CNTN4: variants seen among roughly 807,000 people sequenced by gnomAD.
CNTN4 encodes contactin 4, also known as contactin-4.
CNTN4 carries 77 observed loss-of-function variants against 122.5 expected under a neutral mutation model. The observed-to-expected ratio is 0.63, with a 90% CI of 0.52 to 0.76. The LOEUF (loss-of-function observed/expected upper bound fraction) is 0.76, where lower values mean the gene tolerates loss of function less well. Among genes scored for constraint, CNTN4 ranks in the 30% least tolerant of loss-of-function variants. The probability of loss-of-function intolerance (pLI) is 0.00; values close to 1 mark genes in which losing one functional copy is unlikely to be tolerated. For synonymous variants in CNTN4, 512 were observed against 447.0 expected (o/e 1.15, Z -1.83); for missense variants, 1,256 against 1,259.1 (o/e 1.00, Z 0.04).
chr3:2,407,962 A>C (rs1356140062), intron 3 of CNTN4, among the ~76,000 whole-genome samples: 1 of 152,164 alleles, frequency 6.6e-6, no homozygotes, highest in East Asian at 1.9e-4. Flanking sequence ...AATACTTGTG[A>C]CATATTTATT....
chr3:2,279,285 A>G (rs1485484333), intron 2 of CNTN4, among the ~76,000 whole-genome samples: 1 of 152,248 alleles, frequency 6.6e-6, no homozygotes, highest in Non-Finnish European at 1.5e-5. Context: ...AAAAAAACAC[A>G]CACTGGAGAG....
rs889066766 is a variant in CNTN4, at chr3:3,057,530, G to A, written c.*1310G>A. The A allele has an allele frequency of 2.0e-5, 3 of 152,568 alleles. No individual in the cohort carries two copies. Among genetic ancestry groups the A allele is most frequent in the African/African-American group, 7.2e-5 (3 of 41,428 alleles). 9.5% of individuals were successfully genotyped at this position (152,568 alleles called of 1,614,324 possible). ...ACCCTACTGGACAGTGACATAAAAGGCAATGGAATTTTCTATAAACATTTT... is the reference window on the plus strand; with the variant it reads ...ACCCTACTGGACAGTGACATAAAAGACAATGGAATTTTCTATAAACATTTT... On this transcript the variant is annotated 3_prime_UTR_variant, in exon 25 of 25. Coordinates refer to ENST00000418658, the MANE Select transcript of CNTN4 (RefSeq NM_175607.3).
At chr3:2,534,528 G>A (rs1297209940) in intron 3 of CNTN4, among the ~76,000 whole-genome samples, 1 of 151,974 alleles carries the variant, frequency 6.6e-6, no homozygotes, top group African/African-American at 2.4e-5. Flanking sequence ...GGTGCACTTG[G>A]GCTTAGTGCT....
At chr3:2,796,637 A>G (rs2092192062) in intron 6 of CNTN4, among the ~76,000 whole-genome samples, 1 of 152,220 alleles carries the variant, frequency 6.6e-6, no homozygotes, top group Non-Finnish European at 1.5e-5. Flanking sequence ...ATAAAGATGA[A>G]TACACATTAC....
At chr3:3,009,526 C>CTG (rs959877316) in intron 14 of CNTN4, among the ~76,000 whole-genome samples, 4 of 150,128 alleles carry the variant, frequency 2.7e-5, no homozygotes, top group Admixed American at 2.6e-4. Flanking sequence ...CTCCGCCCCC[C>CTG]GGGTTCCCGC....
At chr3:2,127,744 T>C in intron 2 of CNTN4, among the ~76,000 whole-genome samples, 1 of 152,168 alleles carries the variant, frequency 6.6e-6, no homozygotes, top group East Asian at 1.9e-4. Flanking sequence ...GCTAAAGGTT[T>C]GAACTAAATG....
intron 2 of CNTN4, among the ~76,000 whole-genome samples, chr3:2,225,305 G>C (rs1247833967): frequency 4.0e-5 from 6 of 151,592 alleles, no homozygotes; most frequent in African/African-American, 1.5e-4. Context: ...ACGAGGTCAG[G>C]AGTTCAAGAC....
intron 2 of CNTN4, among the ~76,000 whole-genome samples, chr3:2,288,421 G>A (rs756358890): frequency 7.2e-5 from 11 of 152,052 alleles, no homozygotes; most frequent in Non-Finnish European, 1.3e-4. Context: ...AACTAAAAGA[G>A]GTAGAACTCA....
rs552906606 is a variant in CNTN4 at position 2,187,895 on chromosome 3, A to T, written c.-145+87256A>T. Among the ~76,000 whole-genome samples, 18 of 152,118 alleles carry T rather than the reference A, an allele frequency of 1.2e-4. No individual in the cohort carries two copies. In the South Asian group the frequency reaches 3.1e-3, roughly 26 times the overall value. On this transcript the variant is annotated intron_variant, in intron 2 of 24. Coordinates refer to ENST00000418658, the MANE Select transcript of CNTN4 (RefSeq NM_175607.3). Reference sequence around the variant, plus strand: ...GCATGGTAAAAAGGCCAGGATTGAGATGTTCTCTTTTGACACCATAGTTTT... The same window carrying T: ...GCATGGTAAAAAGGCCAGGATTGAGTTGTTCTCTTTTGACACCATAGTTTT...
chr3:2,499,940 C>T (rs571986780), intron 3 of CNTN4, among the ~76,000 whole-genome samples: 1 of 152,072 alleles, frequency 6.6e-6, no homozygotes, highest in African/African-American at 2.4e-5. Flanking sequence ...ATATGCAGAT[C>T]CCATGCAAGT....
intron 14 of CNTN4, among the ~76,000 whole-genome samples, chr3:3,019,396 A>G (rs2125579695): frequency 6.6e-6 from 1 of 152,158 alleles, no homozygotes; most frequent in Non-Finnish European, 1.5e-5. Flanking sequence ...TCCTGAGTTC[A>G]AGCACTTCTC....
chr3:2,266,242 A>G (rs538153736), intron 2 of CNTN4, among the ~76,000 whole-genome samples: 2 of 152,014 alleles, frequency 1.3e-5, no homozygotes, highest in Non-Finnish European at 2.9e-5. Flanking sequence ...TGTTCCTTCT[A>G]TACCCATTTT....
chr3:2,750,404 G>A lies in CNTN4; in HGVS notation c.358+4707G>A, dbSNP rs139520614. 3.8e-3 allele frequency among the ~76,000 whole-genome samples: 580 copies of A among 152,212 alleles called. 4 individuals are homozygous for A. The highest frequency in any genetic ancestry group is 0.013 in the African/African-American group (557 of 41,544). ...CAGAACTTAGTCATGTCTTGTATTA[G>A]CATTTAGCATTTTTAAGTTGAATTA... On this transcript the variant is annotated intron_variant, in intron 6 of 24. Transcript: ENST00000418658.
At chr3:2,908,140 C>T (rs112717653) in intron 12 of CNTN4, among the ~76,000 whole-genome samples, 1 of 152,202 alleles carries the variant, frequency 6.6e-6, no homozygotes, top group East Asian at 1.9e-4. Flanking sequence ...TCCTCTCCCC[C>T]ACTCATGAAG....
intron 2 of CNTN4, among the ~76,000 whole-genome samples, chr3:2,268,785 A>G (rs2041155819): frequency 1.3e-5 from 2 of 152,158 alleles, no homozygotes; most frequent in Admixed American, 1.3e-4. Context: ...ACCTGCATGC[A>G]AACAGCATTA....
In CNTN4 at chr3:2,802,866, G is replaced by GA. The variant is rs56221027; in HGVS notation, c.359-16611dup. Reference sequence around the variant, plus strand: ...AGAACACAAAACTTTAATACTTTTAGAAAAAAAAATGTAGGAGAATATCTT... The same window carrying GA: ...AGAACACAAAACTTTAATACTTTTAGAAAAAAAAAATGTAGGAGAATATCTT... On this transcript the variant is annotated intron_variant, in intron 6 of 24. Coordinates refer to ENST00000418658, the MANE Select transcript of CNTN4 (RefSeq NM_175607.3). Among the ~76,000 whole-genome samples, 443 of 151,132 alleles carry GA rather than the reference G, an allele frequency of 2.9e-3. 1 individual carries two copies. Among genetic ancestry groups the GA allele is most frequent in the African/African-American group, 9.8e-3 (403 of 41,254 alleles).
At chr3:2,228,499 A>G (rs761108341) in intron 2 of CNTN4, among the ~76,000 whole-genome samples, 4 of 152,064 alleles carry the variant, frequency 2.6e-5, no homozygotes, top group Non-Finnish European at 5.9e-5. Context: ...GCCCTTTGTG[A>G]ACAAGTTTGC....
intron 4 of CNTN4, among the ~76,000 whole-genome samples, chr3:2,698,950 G>A (rs2086201155): frequency 6.6e-6 from 1 of 152,138 alleles, no homozygotes; most frequent in South Asian, 2.1e-4. Context: ...TGGAACCCGG[G>A]AGGTGGAGGT....
chr3:2,627,714 C>G (rs572776581), intron 4 of CNTN4, among the ~76,000 whole-genome samples: 8 of 152,042 alleles, frequency 5.3e-5, no homozygotes, highest in Admixed American at 2.0e-4. Flanking sequence ...AGGATGGTCT[C>G]GATCTCCTGA....
Sources: allele counts gnomAD v4.1 joint callset (sites outside exome capture counted in the v4.1 genomes callset), GRCh38; gene constraint gnomAD v4.1.1; transcripts MANE v1.5; gene names NCBI Gene and HGNC (gene_info 2026-07-23, HGNC 2026-07-21).